CCDC146: variants seen among roughly 807,000 people sequenced by gnomAD.
The protein encoded by CCDC146 is coiled-coil domain-containing protein 146.
CCDC146 carries 92 observed loss-of-function variants against 119.3 expected under a neutral mutation model. That is an observed-to-expected ratio of 0.77 (90% CI 0.65 to 0.92). The LOEUF (loss-of-function observed/expected upper bound fraction) is 0.92. Ranked by LOEUF, CCDC146 falls within the 40% of genes least tolerant of loss-of-function variation. The pLI, the probability that CCDC146 is intolerant of heterozygous loss-of-function variation, is 0.00. For missense variants in CCDC146, 1,000 were observed against 1,103.0 expected, an observed-to-expected ratio of 0.91 and a Z score of 1.32; for synonymous variants, 372 against 371.8, an observed-to-expected ratio of 1.00 and a Z score of -0.01.
chr7:77,160,235 T>G (rs1476358580), intron 1 of CCDC146, among the ~76,000 whole-genome samples: 3 of 152,214 alleles, frequency 2.0e-5, no homozygotes, highest in Non-Finnish European at 4.4e-5. Flanking sequence ...GGGCTTAGGA[T>G]TGACTTGGCG....
At chr7:77,161,635 T>A (rs181679618) in intron 1 of CCDC146, among the ~76,000 whole-genome samples, 2 of 103,030 alleles carry the variant, frequency 1.9e-5, no homozygotes, top group African/African-American at 3.8e-5. Flanking sequence ...TGGGGACTGT[T>A]GTGGGGTGGG....
chr7:77,222,255 G>A (rs979625688), intron 2 of CCDC146, among the ~76,000 whole-genome samples: 4 of 152,208 alleles, frequency 2.6e-5, no homozygotes, highest in Admixed American at 6.5e-5. Context: ...GTGAGTAGCC[G>A]TGAAAGGCTT....
At chr7:77,222,232 A>G (rs1792418983) in intron 2 of CCDC146, among the ~76,000 whole-genome samples, 1 of 152,222 alleles carries the variant, frequency 6.6e-6, no homozygotes, top group Admixed American at 6.5e-5. Context: ...GTTCTTTTTT[A>G]AAGACTACTT....
At chr7:77,142,863 T>C (rs944938666) in intron 1 of CCDC146, among the ~76,000 whole-genome samples, 1 of 151,742 alleles carries the variant, frequency 6.6e-6, no homozygotes, top group Admixed American at 6.6e-5. Flanking sequence ...TGAATAGGGC[T>C]GCAATAAACA....
intron 2 of CCDC146, among the ~76,000 whole-genome samples, chr7:77,212,813 T>C (rs1792213534): frequency 6.6e-6 from 1 of 152,068 alleles, no homozygotes; most frequent in Non-Finnish European, 1.5e-5. Context: ...GGTAATGTAA[T>C]AGAAAATTTT....
chr7:77,141,952 C>T (rs553493335), intron 1 of CCDC146, among the ~76,000 whole-genome samples: 22 of 152,232 alleles, frequency 1.4e-4, no homozygotes, highest in African/African-American at 5.3e-4. Context: ...GCTTTTGTTG[C>T]CATTGCTTTT....
chr7:77,287,403 T>C, intron 16 of CCDC146, 37 bp from the exon 17 acceptor site: 1 of 1,589,314 alleles, frequency 6.3e-7, no homozygotes. Context: ...TTAGATGACT[T>C]TTTTTTTATT....
chr7:77,286,056 T>TA (rs1191032137), intron 15 of CCDC146, among the ~76,000 whole-genome samples: 1 of 152,150 alleles, frequency 6.6e-6, no homozygotes, highest in Admixed American at 6.5e-5. Flanking sequence ...TGCATTGCTG[T>TA]AAAGGAATAC....
At chr7:77,235,447 A>G (rs1049435671) in intron 2 of CCDC146, among the ~76,000 whole-genome samples, 2 of 152,156 alleles carry the variant, frequency 1.3e-5, no homozygotes, top group Non-Finnish European at 2.9e-5. Context: ...GGCCCTGGAG[A>G]AAAAGAGAGA....
In CCDC146 at chr7:77,214,219, A is replaced by AT. The variant is rs555272404; in HGVS notation, c.157-22722dup. ...TTGCATTTATCTGATGATGACAAGC[A>AT]TTTTTTCATATGATTGTTTACTCAT... is the stretch of plus-strand genomic sequence containing the variant. On this transcript the variant is annotated intron_variant, in intron 2 of 18. Coordinates refer to ENST00000285871, the MANE Select transcript of CCDC146 (RefSeq NM_020879.3). Among the ~76,000 whole-genome samples the AT allele has an allele frequency of 9.9e-4, 150 of 152,088 alleles. 1 individual carries two copies. The highest frequency in any genetic ancestry group is 3.6e-3 in the African/African-American group (148 of 41,516).
chr7:77,196,517 T>C lies in CCDC146; in HGVS notation c.156+28693T>C. ...CCCAGAAGGATATCGATCATTGTCT[T>C]TATCTGGAGTGGTGAAAAACTTCAG... On this transcript the variant is annotated intron_variant, in intron 2 of 18. Coordinates refer to ENST00000285871, the MANE Select transcript of CCDC146 (RefSeq NM_020879.3). The surrounding 1 kb of genome is among the most constrained non-coding windows in gnomAD (Gnocchi z 4.2). 4 of 1,614,204 alleles carry C rather than the reference T, an allele frequency of 2.5e-6. No individual in the cohort carries two copies. The highest frequency in any genetic ancestry group is 3.4e-6 in the Non-Finnish European group (4 of 1,180,024).
intron 8 of CCDC146, among the ~76,000 whole-genome samples, chr7:77,261,783 CT>C (rs748896663): frequency 2.0e-5 from 3 of 152,190 alleles, no homozygotes. Context: ...AGCCCTCATT[CT>C]TTTTTATGGC....
rs760243323 is a variant in CCDC146, at chr7:77,262,189, G to C, written c.1055G>C (p.Arg352Pro). Residue 352 changes from arginine to proline, a missense_variant, in exon 9 of 19, where the codon CGT (arginine) becomes CCT (proline). Physicochemically the swap from Arg to Pro is moderately radical, Grantham distance 103. Around this residue, in one of 2 missense-constraint regions of CCDC146, gnomAD observed 985 missense variants for 1,045.3 expected, o/e 0.94. Coordinates refer to ENST00000285871, the MANE Select transcript of CCDC146 (RefSeq NM_020879.3). ...DKQNYHDELSRKQREKERDFR... is the reference protein window; with the variant it reads ...DKQNYHDELSPKQREKERDFR... ...CAGAACTACCATGATGAACTTTCTCGTAAGCAAAGAGAGAAAGAACGAGAT... is the reference window on the plus strand; with the variant it reads ...CAGAACTACCATGATGAACTTTCTCCTAAGCAAAGAGAGAAAGAACGAGAT... 6.2e-7 allele frequency: 1 copy of C among 1,613,682 alleles called. No individual in the cohort carries two copies. Among genetic ancestry groups the C allele is most frequent in the Non-Finnish European group, 8.5e-7 (1 of 1,179,762 alleles).
chr7:77,194,667 T>C (rs1791831848), intron 2 of CCDC146: 2 of 152,108 alleles, frequency 1.3e-5, no homozygotes, highest in Non-Finnish European at 2.9e-5. Flanking sequence ...TTTGTAAATA[T>C]ATTTTGAAAA....
intron 4 of CCDC146, chr7:77,242,269 G>A (rs1792864593): frequency 2.0e-6 from 1 of 488,428 alleles, no homozygotes; most frequent in Non-Finnish European, 2.8e-6. Flanking sequence ...GCATCTGCAT[G>A]GTGAGCACTT....
At chr7:77,137,850 A>G (rs375532679) in intron 1 of CCDC146, among the ~76,000 whole-genome samples, 1 of 151,358 alleles carries the variant, frequency 6.6e-6, no homozygotes, top group East Asian at 1.9e-4. Flanking sequence ...CAATACTTAC[A>G]TATAACTCAA....
At chr7:77,167,252 T>C (rs1323823496) in intron 1 of CCDC146, among the ~76,000 whole-genome samples, 5 of 152,154 alleles carry the variant, frequency 3.3e-5, no homozygotes, top group Non-Finnish European at 5.9e-5. Context: ...ATATGTACAA[T>C]GTATAGATTA....
At position 77,214,677 on chromosome 7, in the gene CCDC146, T is replaced by G. The variant is rs1431346436; in HGVS notation, c.157-22270T>G. ...CTAGCCACTTTTTCCAGTACCATTT[T>G]TTTGAGTAGGACGTCCTTTCCCAAT... On this transcript the variant is annotated intron_variant, in intron 2 of 18. Transcript: ENST00000285871. Among the ~76,000 whole-genome samples the G allele has an allele frequency of 3.3e-5, 5 of 152,178 alleles. No individual in the cohort carries two copies. In the East Asian group the frequency reaches 7.7e-4, roughly 23 times the overall value.
At chr7:77,223,813 C>T (rs1792451963) in intron 2 of CCDC146, among the ~76,000 whole-genome samples, 1 of 152,144 alleles carries the variant, frequency 6.6e-6, no homozygotes, top group Admixed American at 6.5e-5. Flanking sequence ...GGGTTCCTGT[C>T]ATCAAGGAAT....
Sources: gnomAD v4.1 joint callset for allele counts (sites outside exome capture counted in the v4.1 genomes callset) on GRCh38, gnomAD v4.1.1 for gene constraint, gnomAD v4.1.1 regional missense constraint, Gnocchi (gnomAD v3.1) non-coding constraint, MANE v1.5 for transcripts, NCBI Gene and HGNC (gene_info 2026-07-23, HGNC 2026-07-21) for gene names.